EMC3: variants seen among roughly 807,000 people sequenced by gnomAD.
EMC3 encodes 30 kDa protein.
EMC3 carries 13 observed loss-of-function variants against 36.6 expected under a neutral mutation model. The observed-to-expected ratio is 0.35, with a 90% CI of 0.23 to 0.56. The LOEUF is 0.56. EMC3 is among the 20% of genes least tolerant of loss of function. The pLI is 0.84. For synonymous variants in EMC3, 120 were observed against 111.9 expected, an observed-to-expected ratio of 1.07 and a Z score of -0.46; for missense variants, 220 against 324.5, an observed-to-expected ratio of 0.68 and a Z score of 2.47.
chr3:9,985,157 C>T (rs1377738380), intron 1 of EMC3, among the ~76,000 whole-genome samples: 1 of 152,150 alleles, frequency 6.6e-6, no homozygotes, highest in African/African-American at 2.4e-5. Context: ...TTTTATATAT[C>T]AACTTTTTTC....
At chr3:9,990,411 T>C (rs2086034949), upstream of EMC3, among the ~76,000 whole-genome samples, 1 of 149,572 alleles carries the variant, frequency 6.7e-6, no homozygotes, top group Non-Finnish European at 1.5e-5. Context: ...CATAGTTCAT[T>C]GCAGTCTCAA....
intron 1 of EMC3, chr3:10,006,700 G>A (rs1362896917): frequency 5.1e-6 from 1 of 197,252 alleles, no homozygotes; most frequent in Admixed American, 6.0e-5. Context: ...GGAGGAGGAA[G>A]AGGTTTTGAC....
intron 1 of EMC3, chr3:10,008,547 AGAC>A: frequency 8.2e-7 from 1 of 1,222,038 alleles, no homozygotes; most frequent in Non-Finnish European, 1.1e-6. Context: ...GGTTCCCAAA[AGAC>A]AGCCCAGAGA....
chr3:10,008,161 T>G (rs1437308583), intron 1 of EMC3: 1 of 330,564 alleles, frequency 3.0e-6, no homozygotes, highest in Non-Finnish European at 6.0e-6. Context: ...TCCACCTTGC[T>G]GCTGTGCCCC....
chr3:9,970,440 C>T, intron 6 of EMC3, 142 bp downstream of exon 6: 1 of 946,488 alleles, frequency 1.1e-6, no homozygotes, highest in Non-Finnish European at 1.7e-6. Flanking sequence ...AAGACTCTTT[C>T]AGAATACCTC....
Position 9,976,998 on chromosome 3 carries a change from T to C in EMC3, c.266A>G (p.Lys89Arg). Residue 89 changes from lysine (K) to arginine (R), a missense_variant, in exon 3 of 8, where the codon AAA becomes AGA. This residue lies in a region of EMC3 where 127 missense variants were observed against 174.6 expected (regional missense o/e 0.73). Transcript: ENST00000245046. ...YFNNPEDGFF[K>R]KTKRKVVPPS... ...TGGCACTACCTTCCGTTTAGTTTTT[T>C]TGAAAAATCCATCCTCTGGGTTGTT... 6.2e-7 allele frequency: 1 copy of C among 1,612,904 alleles called. No individual in the cohort carries two copies. Among genetic ancestry groups the C allele is most frequent in the East Asian group, 2.2e-5 (1 of 44,876 alleles).
intron 5 of EMC3, 63 bp from the exon 6 acceptor site, chr3:9,970,724 C>A: frequency 6.5e-7 from 1 of 1,532,836 alleles, no homozygotes; most frequent in African/African-American, 1.4e-5. Context: ...GCAGTTCCCA[C>A]TTCCCTACCA....
intron 7 of EMC3, chr3:9,968,651 C>CT (rs1293835046): frequency 3.1e-4 from 46 of 146,590 alleles, no homozygotes; most frequent in East Asian, 4.0e-4. Flanking sequence ...AAATTTCTCT[C>CT]TTTTTTTTTT....
intron 1 of EMC3, chr3:9,993,060 A>C (rs1348299113): frequency 3.1e-6 from 3 of 979,778 alleles, no homozygotes; most frequent in Admixed American, 3.7e-5. Context: ...AAAGCTTTAC[A>C]GCTCTCATGT....
intron 3 of EMC3, among the ~76,000 whole-genome samples, chr3:9,976,225 C>T (rs2085848480): frequency 1.3e-5 from 2 of 152,224 alleles, no homozygotes; most frequent in Non-Finnish European, 1.5e-5. Flanking sequence ...CCTGCCTCAG[C>T]CTCCGGGGTA....
chr3:9,967,682 T>C (rs1222288269), intron 7 of EMC3, among the ~76,000 whole-genome samples: 1 of 152,246 alleles, frequency 6.6e-6, no homozygotes, highest in Non-Finnish European at 1.5e-5. Flanking sequence ...TTTTTGCCTA[T>C]TGTGATTCCC....
At chr3:9,967,757 T>C (rs1418682968) in intron 7 of EMC3, among the ~76,000 whole-genome samples, 2 of 152,226 alleles carry the variant, frequency 1.3e-5, no homozygotes, top group Non-Finnish European at 2.9e-5. Flanking sequence ...AGTAAGATTT[T>C]TATAGGGATT....
At chr3:9,978,361 T>G (rs2085872910) in intron 1 of EMC3, 1 of 151,676 alleles carries the variant, frequency 6.6e-6, no homozygotes, top group Non-Finnish European at 1.5e-5. Context: ...TACAGTGTTA[T>G]GCAACAAATG....
upstream of EMC3, among the ~76,000 whole-genome samples, chr3:9,989,089 C>G (rs1022503884): frequency 1.5e-3 from 230 of 152,308 alleles, 1 homozygote; most frequent in Non-Finnish European, 1.4e-3. Flanking sequence ...CTATATCTGC[C>G]TAATTGCCCT....
chr3:9,990,505 TGTTAGTTA>T (rs368663270), upstream of EMC3, among the ~76,000 whole-genome samples: 1 of 151,816 alleles, frequency 6.6e-6, no homozygotes, highest in Non-Finnish European at 1.5e-5. Context: ...TGGCTAATTC[TGTTAGTTA>T]GTTAGTTAGT....
intron 5 of EMC3, among the ~76,000 whole-genome samples, chr3:9,972,496 C>A (rs1340407389): frequency 1.4e-5 from 2 of 146,544 alleles, no homozygotes; most frequent in South Asian, 4.3e-4. Flanking sequence ...TCTGGCCAGG[C>A]GTGGTGGCTC....
upstream of EMC3, among the ~76,000 whole-genome samples, chr3:9,989,179 A>T (rs2086015539): frequency 6.6e-6 from 1 of 152,244 alleles, no homozygotes. Context: ...TGACTAGAGT[A>T]AATCAGTCTG....
intron 1 of EMC3, among the ~76,000 whole-genome samples, chr3:9,983,626 T>C (rs2085936468): frequency 1.3e-5 from 2 of 151,798 alleles, no homozygotes; most frequent in Non-Finnish European, 2.9e-5. Flanking sequence ...GAGCCAAGAT[T>C]GCGCCACTGC....
intron 7 of EMC3, chr3:9,969,471 C>T: frequency 7.3e-7 from 1 of 1,378,490 alleles, no homozygotes. Context: ...GATTATTTTA[C>T]AGCATCATTG....
Sources: allele counts gnomAD v4.1 joint callset (sites outside exome capture counted in the v4.1 genomes callset), GRCh38; gene constraint gnomAD v4.1.1; regional missense constraint gnomAD v4.1.1; transcripts MANE v1.5; gene names NCBI Gene and HGNC (gene_info 2026-07-23, HGNC 2026-07-21).